The following KCNH7 variants were observed in gnomAD, a reference collection of about 807,000 sequenced individuals.
The protein encoded by KCNH7 is voltage-gated inwardly rectifying potassium channel KCNH7.
Under a neutral mutation model 120.8 loss-of-function variants are expected in KCNH7, and 49 were observed. The observed-to-expected ratio is 0.41, with a 90% CI of 0.32 to 0.51. The LOEUF (loss-of-function observed/expected upper bound fraction) is 0.51, where lower values mean the gene tolerates loss of function less well. KCNH7 is among the 20% of genes least tolerant of loss of function. The pLI is 0.38. For synonymous variants in KCNH7, 547 were observed against 516.1 expected, an observed-to-expected ratio of 1.06 and a Z score of -0.81; for missense variants, 1,097 against 1,446.6, an observed-to-expected ratio of 0.76 and a Z score of 3.92.
intron 4 of KCNH7, among the ~76,000 whole-genome samples, chr2:162,514,214 A>T (rs1194046465): frequency 1.3e-5 from 2 of 151,926 alleles, no homozygotes; most frequent in Admixed American, 6.6e-5. Flanking sequence ...TTGGACAAAG[A>T]TATACAAATA....
intron 2 of KCNH7, among the ~76,000 whole-genome samples, chr2:162,652,653 C>T (rs375480155): frequency 7.2e-5 from 11 of 152,310 alleles, no homozygotes; most frequent in African/African-American, 1.7e-4. Context: ...ATCTACCACT[C>T]ATCTCTAGCT....
intron 7 of KCNH7, among the ~76,000 whole-genome samples, chr2:162,435,863 C>A (rs1269080186): frequency 6.6e-6 from 1 of 151,962 alleles, no homozygotes; most frequent in East Asian, 1.9e-4. Context: ...GTTCTAAGTG[C>A]CTTGCATAAG....
chr2:162,566,452 G>A (rs1338085717), intron 2 of KCNH7, among the ~76,000 whole-genome samples: 1 of 151,992 alleles, frequency 6.6e-6, no homozygotes, highest in East Asian at 1.9e-4. Context: ...GTTCCATGTG[G>A]TCTATCCTGC....
chr2:162,802,992 CA>C (rs532151934), intron 2 of KCNH7, among the ~76,000 whole-genome samples: 105 of 151,754 alleles, frequency 6.9e-4, no homozygotes, highest in African/African-American at 2.2e-3. Flanking sequence ...GAGGCCATCC[CA>C]AAAGGCAGCC....
intron 2 of KCNH7, among the ~76,000 whole-genome samples, chr2:162,744,038 A>G (rs1320067730): frequency 6.6e-6 from 1 of 152,160 alleles, no homozygotes; most frequent in African/African-American, 2.4e-5. Context: ...ATCCCACATA[A>G]TGCACGGATT....
chr2:162,519,277 A>T (rs1691433529), intron 3 of KCNH7, among the ~76,000 whole-genome samples: 1 of 151,860 alleles, frequency 6.6e-6, no homozygotes, highest in South Asian at 2.1e-4. Flanking sequence ...ATCCATTAGA[A>T]GGAGAATTAC....
chr2:162,696,708 T>A (rs886733615), intron 2 of KCNH7, among the ~76,000 whole-genome samples: 6 of 151,886 alleles, frequency 4.0e-5, no homozygotes, highest in Non-Finnish European at 8.8e-5. Flanking sequence ...GTCTAAGTAA[T>A]CTTATCATAT....
intron 12 of KCNH7, among the ~76,000 whole-genome samples, chr2:162,388,455 GA>G (rs1163791211): frequency 6.6e-6 from 1 of 151,460 alleles, no homozygotes; most frequent in African/African-American, 2.4e-5. Flanking sequence ...ATACAAATAT[GA>G]AAAAAATCAC....
At chr2:162,723,471 A>C (rs969339372) in intron 2 of KCNH7, among the ~76,000 whole-genome samples, 2 of 152,246 alleles carry the variant, frequency 1.3e-5, no homozygotes, top group Non-Finnish European at 2.9e-5. Context: ...CCTGCCACAC[A>C]TGACAACCAG....
intron 2 of KCNH7, among the ~76,000 whole-genome samples, chr2:162,823,575 C>G (rs543425788): frequency 3.3e-5 from 5 of 152,226 alleles, no homozygotes; most frequent in Admixed American, 2.0e-4. Flanking sequence ...GAAGGCCCTG[C>G]CTGGTTATAC....
intron 2 of KCNH7, among the ~76,000 whole-genome samples, chr2:162,677,892 A>C (rs1424093893): frequency 6.6e-6 from 1 of 151,442 alleles, no homozygotes; most frequent in Non-Finnish European, 1.5e-5. Flanking sequence ...TGTCCCAGTA[A>C]GTATCTATTC....
At chr2:162,628,379 A>T (rs896188541) in intron 2 of KCNH7, among the ~76,000 whole-genome samples, 6 of 151,998 alleles carry the variant, frequency 3.9e-5, no homozygotes, top group Admixed American at 3.9e-4. Flanking sequence ...GCCTTACCCC[A>T]TCCTTTCCAC....
rs188707373 is a variant in KCNH7, at chr2:162,537,155, A to G, written c.308-75T>C. On this transcript the variant is annotated intron_variant, in intron 2 of 15. Coordinates refer to ENST00000332142, the MANE Select transcript of KCNH7 (RefSeq NM_033272.4). ...ACTATCAAGTAACATTAAAATTGAA[A>G]TATACTCTTAAGGAAATTTGTATCT... 1.7e-5 allele frequency: 20 copies of G among 1,167,874 alleles called. No homozygotes were observed. In the East Asian group the frequency reaches 4.9e-4, roughly 28 times the overall value. 72.3% of individuals were successfully genotyped at this position (1,167,874 alleles called of 1,614,324 possible).
chr2:162,693,321 T>G (rs1422831156), intron 2 of KCNH7, among the ~76,000 whole-genome samples: 1 of 152,146 alleles, frequency 6.6e-6, no homozygotes, highest in Non-Finnish European at 1.5e-5. Flanking sequence ...AGAAACAGCC[T>G]GGAAGATAAG....
In KCNH7 at chr2:162,654,415, A is replaced by G. The variant is rs147320525; in HGVS notation, c.308-117335T>C. On this transcript the variant is annotated intron_variant, in intron 2 of 15. Transcript: ENST00000332142. ...GAAAAAATGTCCAACATCACTAATC[A>G]TCAGAGAAAGGCAAATTAAACCCAC... Among the ~76,000 whole-genome samples, 132 of 152,166 alleles carry G rather than the reference A, an allele frequency of 8.7e-4. 1 individual carries two copies. In the East Asian group the frequency reaches 0.021, roughly 24 times the overall value.
chr2:162,637,802 T>C (rs1214503668), intron 2 of KCNH7, among the ~76,000 whole-genome samples: 2 of 152,096 alleles, frequency 1.3e-5, no homozygotes, highest in African/African-American at 2.4e-5. Context: ...TGTGATTTAT[T>C]AGCTCCTTCA....
At chr2:162,745,718 C>T (rs1335238883) in intron 2 of KCNH7, among the ~76,000 whole-genome samples, 1 of 151,810 alleles carries the variant, frequency 6.6e-6, no homozygotes, top group African/African-American at 2.4e-5. Flanking sequence ...TTTGTTTAAT[C>T]ATAATTTAAG....
At chr2:162,425,750 T>A (rs1278533057) in intron 8 of KCNH7, among the ~76,000 whole-genome samples, 3 of 152,106 alleles carry the variant, frequency 2.0e-5, no homozygotes, top group Non-Finnish European at 4.4e-5. Flanking sequence ...CAGGAAAAAT[T>A]CTTATTTATT....
At chr2:162,727,876 AT>A (rs1263597145) in intron 2 of KCNH7, among the ~76,000 whole-genome samples, 1 of 152,276 alleles carries the variant, frequency 6.6e-6, no homozygotes, top group East Asian at 1.9e-4. Context: ...ATGAACAAAA[AT>A]TGAAATTTTA....
Sources: gnomAD v4.1 joint callset for allele counts (sites outside exome capture counted in the v4.1 genomes callset) on GRCh38, gnomAD v4.1.1 for gene constraint, MANE v1.5 for transcripts, NCBI Gene and HGNC (gene_info 2026-07-23, HGNC 2026-07-21) for gene names.